Variants in DTNA observed in about 807,000 individuals in gnomAD.
DTNA encodes the protein dystrophin-related protein 3.
Under a neutral mutation model 100.7 loss-of-function variants are expected in DTNA, and 43 were observed. The ratio of observed to expected loss-of-function variants is 0.43; its 90% CI spans 0.33 to 0.55. The LOEUF is 0.55. DTNA is among the 20% of genes least tolerant of loss of function. The probability of loss-of-function intolerance (pLI) is 0.04; values close to 1 mark genes in which losing one functional copy is unlikely to be tolerated. For missense variants in DTNA, 798 were observed against 953.9 expected (o/e 0.84, Z 2.15); for synonymous variants, 349 against 347.9 (o/e 1.00, Z -0.04).
intron 1 of DTNA, among the ~76,000 whole-genome samples, chr18:34,656,342 A>G (rs1475516163): frequency 6.6e-6 from 1 of 152,206 alleles, no homozygotes; most frequent in Non-Finnish European, 1.5e-5. Flanking sequence ...CTGGCTATAC[A>G]GTTTGGATTT....
intron 4 of DTNA, among the ~76,000 whole-genome samples, chr18:34,798,559 C>A (rs2095082283): frequency 6.6e-6 from 1 of 152,190 alleles, no homozygotes; most frequent in South Asian, 2.1e-4. Flanking sequence ...CATTTCAATT[C>A]AGTAGTATCT....
At chr18:34,525,268 C>G (rs992494205) in intron 1 of DTNA, among the ~76,000 whole-genome samples, 2 of 152,096 alleles carry the variant, frequency 1.3e-5, no homozygotes, top group African/African-American at 4.8e-5. Context: ...GTAATTGCTT[C>G]TGGCCTCCAA....
At chr18:34,621,203 T>G (rs1047263576) in intron 1 of DTNA, among the ~76,000 whole-genome samples, 1 of 148,554 alleles carries the variant, frequency 6.7e-6, no homozygotes, top group Admixed American at 6.7e-5. Context: ...ATATGTAATA[T>G]ATGTACATAT....
In DTNA at chr18:34,658,503, C is replaced by A. The variant is rs573873452; in HGVS notation, c.-1-97473C>A. On this transcript the variant is annotated intron_variant, in intron 1 of 19. Transcript: ENST00000283365. ...GAGTTGCTGAGACAACAGGAGTGTG[C>A]CACCATATCTGGCTAATTTTTTTGT... Among the ~76,000 whole-genome samples the A allele has an allele frequency of 9.3e-5, 14 of 150,666 alleles. No homozygotes were observed. In the East Asian group the frequency reaches 2.7e-3, roughly 29 times the overall value.
chr18:34,582,623 C>A (rs1469043115), intron 1 of DTNA, among the ~76,000 whole-genome samples: 2 of 152,066 alleles, frequency 1.3e-5, no homozygotes, highest in African/African-American at 4.8e-5. Flanking sequence ...GTAAATGTGG[C>A]AAGAAAGTAA....
rs137864975 is a variant in DTNA, at chr18:34,783,417, A to C, written c.149-10620A>C. Among the ~76,000 whole-genome samples, 214 of 152,354 alleles carry C rather than the reference A, an allele frequency of 1.4e-3. 2 individuals are homozygous for C. The highest frequency in any genetic ancestry group is 4.4e-3 in the African/African-American group (181 of 41,584). On this transcript the variant is annotated intron_variant, in intron 3 of 22. Transcript: ENST00000444659. ...AAATATGTTGTAGACCTTTTCATGA[A>C]GGTTTATTACATCATCTTAACCAGG...
intron 3 of DTNA, among the ~76,000 whole-genome samples, chr18:34,783,333 T>A (rs977747164): frequency 1.3e-5 from 2 of 152,230 alleles, no homozygotes; most frequent in African/African-American, 2.4e-5. Context: ...TAATAGGCAA[T>A]GGATGTACTA....
rs1602370931 is a variant in DTNA at position 34,806,309 on chromosome 18, GTTA to G, written c.448+11_448+13del. On this transcript the variant is annotated splice_donor_region_variant and intron_variant, in intron 5 of 22. Transcript: ENST00000444659. ...AGATCATGGACAAATTAAGATGTAA[GTTA>G]TTATTCCTTGTGTGTCTGTTTGCTT... 6.2e-7 allele frequency: 1 copy of G among 1,613,260 alleles called. No individual in the cohort carries two copies. Among genetic ancestry groups the G allele is most frequent in the East Asian group, 2.2e-5 (1 of 44,826 alleles).
At chr18:34,516,664 A>T (rs909182847) in intron 1 of DTNA, among the ~76,000 whole-genome samples, 8 of 152,096 alleles carry the variant, frequency 5.3e-5, no homozygotes, top group Non-Finnish European at 1.2e-4. Context: ...ATTCAGCGAT[A>T]TTTCTCCTAT....
Position 34,592,572 on chromosome 18 carries a change from A to T in DTNA, c.-2+99058A>T, listed in dbSNP as rs549960254. Among the ~76,000 whole-genome samples the T allele has an allele frequency of 7.9e-5, 12 of 151,952 alleles. No homozygotes were observed. In the South Asian group the frequency reaches 2.5e-3, roughly 32 times the overall value. ...CTGAAAAAGAAGTTTCAGTGGGGAG[A>T]TAGAAGTGTTTTTTGCACTCTCTCC... On this transcript the variant is annotated intron_variant, in intron 1 of 19. Coordinates refer to the DTNA transcript ENST00000283365.
intron 1 of DTNA, among the ~76,000 whole-genome samples, chr18:34,526,616 T>A (rs2042644682): frequency 6.6e-6 from 1 of 152,066 alleles, no homozygotes; most frequent in Admixed American, 6.6e-5. Flanking sequence ...ATCAAATAAA[T>A]ACTTATTCTA....
At chr18:34,884,815 T>C in intron 22 of DTNA, 39 bp downstream of exon 22, 1 of 1,598,564 alleles carries the variant, frequency 6.3e-7, no homozygotes, top group Non-Finnish European at 8.6e-7. Flanking sequence ...ATGGCCACTG[T>C]ACACTGAATT....
intron 1 of DTNA, among the ~76,000 whole-genome samples, chr18:34,609,875 A>G (rs2147474873): frequency 6.6e-6 from 1 of 152,336 alleles, no homozygotes; most frequent in Admixed American, 6.5e-5. Context: ...GTAAAATTCT[A>G]AACCATCAAG....
chr18:34,671,380 G>A (rs1014143456), intron 1 of DTNA, among the ~76,000 whole-genome samples: 1 of 152,170 alleles, frequency 6.6e-6, no homozygotes, highest in Non-Finnish European at 1.5e-5. Context: ...GTGCTTCCCA[G>A]GTGAGGCAAT....
intron 15 of DTNA, among the ~76,000 whole-genome samples, chr18:34,856,876 G>T (rs2096558742): frequency 2.0e-5 from 3 of 152,146 alleles, no homozygotes; most frequent in African/African-American, 7.2e-5. Context: ...GGACCAAATG[G>T]CTCTGTTGTG....
At chr18:34,653,077 C>T (rs2073836640) in intron 1 of DTNA, among the ~76,000 whole-genome samples, 1 of 152,144 alleles carries the variant, frequency 6.6e-6, no homozygotes, top group African/African-American at 2.4e-5. Flanking sequence ...CCAAGATTTA[C>T]ATAAAAACCT....
intron 1 of DTNA, among the ~76,000 whole-genome samples, chr18:34,589,875 GC>G (rs1278977443): frequency 6.6e-6 from 1 of 152,068 alleles, no homozygotes; most frequent in Non-Finnish European, 1.5e-5. Context: ...GTCTTTCTGT[GC>G]CTGGCTTATT....
chr18:34,890,101 T>C lies in DTNA; in HGVS notation c.*2367T>C, dbSNP rs561216004. 5.7e-6 allele frequency: 8 copies of C among 1,403,696 alleles called. No individual in the cohort carries two copies. The highest frequency in any genetic ancestry group is 2.7e-4 in the Middle Eastern group (1 of 3,766). 87.0% of individuals were successfully genotyped at this position (1,403,696 alleles called of 1,614,324 possible). A position where few individuals can be genotyped will look rare whatever the true frequency, so the allele number is the denominator to read the frequency against. On this transcript the variant is annotated 3_prime_UTR_variant, in exon 23 of 23. Coordinates refer to ENST00000444659, the MANE Select transcript of DTNA (RefSeq NM_001386795.1). ...GGACCGAGCTGGCATATGTTGTTTC[T>C]TTGTGTTTCTACATCAAAATGTTCG...
At chr18:34,498,046 C>T (rs771977765) in intron 1 of DTNA, among the ~76,000 whole-genome samples, 3 of 151,688 alleles carry the variant, frequency 2.0e-5, no homozygotes, top group Non-Finnish European at 4.4e-5. Context: ...TTTGGGAGGC[C>T]AAGGTGGATG....
Sources: allele counts gnomAD v4.1 joint callset (sites outside exome capture counted in the v4.1 genomes callset), GRCh38; gene constraint gnomAD v4.1.1; transcripts MANE v1.5; gene names NCBI Gene and HGNC (gene_info 2026-07-23, HGNC 2026-07-21).